SAMD12: variants seen among roughly 807,000 people sequenced by gnomAD.
The protein encoded by SAMD12 is sterile alpha motif domain-containing protein 12.
SAMD12 carries 9 observed loss-of-function variants against 15.0 expected under a neutral mutation model. That is an observed-to-expected ratio of 0.60 (90% CI 0.36 to 1.05). SAMD12 has a LOEUF of 1.05. Among genes scored for constraint, SAMD12 ranks in the 50% least tolerant of loss-of-function variants. The pLI, the probability that SAMD12 is intolerant of heterozygous loss-of-function variation, is 0.01. For missense variants in SAMD12, 230 were observed against 234.2 expected, an observed-to-expected ratio of 0.98 and a Z score of 0.12; for synonymous variants, 86 against 90.1, an observed-to-expected ratio of 0.96 and a Z score of 0.25.
chr8:118,564,659 G>C (rs1279767620), intron 2 of SAMD12, among the ~76,000 whole-genome samples: 1 of 152,214 alleles, frequency 6.6e-6, no homozygotes, highest in Non-Finnish European at 1.5e-5. Context: ...TCCTGCCTAT[G>C]AAGTGCTTAC....
intron 2 of SAMD12, among the ~76,000 whole-genome samples, chr8:118,457,425 C>A (rs1215693868): frequency 4.0e-5 from 6 of 151,380 alleles, no homozygotes; most frequent in African/African-American, 1.5e-4. Flanking sequence ...GAGACAGGGT[C>A]TCACTATGTT....
chr8:118,545,237 T>C (rs527697289), intron 2 of SAMD12, among the ~76,000 whole-genome samples: 1 of 152,302 alleles, frequency 6.6e-6, no homozygotes, highest in African/African-American at 2.4e-5. Flanking sequence ...GAGGCCGAAG[T>C]AGGTGGATTA....
At chr8:118,159,710 TTTTTTTTTC>T in the SAMD12 span, among the ~76,000 whole-genome samples, 9 of 8,532 alleles carry the variant, frequency 1.1e-3, no homozygotes, top group African/African-American at 1.7e-3. Flanking sequence ...AAATTTTTTC[TTTTTTTTTC>T]TTTTTTTTTT....
chr8:118,316,031 C>A (rs946918850), intron 4 of SAMD12, among the ~76,000 whole-genome samples: 1 of 152,270 alleles, frequency 6.6e-6, no homozygotes, highest in South Asian at 2.1e-4. Context: ...CAAACATTGT[C>A]AGCTTATTTT....
intron 4 of SAMD12, among the ~76,000 whole-genome samples, chr8:118,273,040 C>T (rs2130119836): frequency 6.6e-6 from 1 of 152,256 alleles, no homozygotes; most frequent in African/African-American, 2.4e-5. Context: ...ACAACCTCTA[C>T]CATACTAATT....
chr8:118,501,389 C>T (rs895920778), intron 2 of SAMD12, among the ~76,000 whole-genome samples: 1 of 152,080 alleles, frequency 6.6e-6, no homozygotes, highest in East Asian at 1.9e-4. Flanking sequence ...TTAGCCATTC[C>T]ACAATGTGTA....
intron 2 of SAMD12, among the ~76,000 whole-genome samples, chr8:118,566,929 A>G (rs545780570): frequency 6.6e-6 from 1 of 152,330 alleles, no homozygotes; most frequent in Non-Finnish European, 1.5e-5. Flanking sequence ...GGTGGATTCA[A>G]TGTGGTTACA....
intron 3 of SAMD12, among the ~76,000 whole-genome samples, chr8:118,389,149 T>A (rs978832374): frequency 5.3e-5 from 8 of 152,194 alleles, no homozygotes; most frequent in Non-Finnish European, 7.3e-5. Flanking sequence ...ATGGTGTAAG[T>A]GGGTAAGAAT....
intron 2 of SAMD12, among the ~76,000 whole-genome samples, chr8:118,529,075 C>T (rs1192343842): frequency 2.0e-5 from 3 of 152,178 alleles, no homozygotes; most frequent in Non-Finnish European, 4.4e-5. Flanking sequence ...GAAGTTGTGG[C>T]CACAGACAAC....
chr8:118,245,314 C>A (rs1444007643), intron 4 of SAMD12, among the ~76,000 whole-genome samples: 3 of 152,096 alleles, frequency 2.0e-5, no homozygotes, highest in Middle Eastern at 3.2e-3. Context: ...CAACAGTGAA[C>A]TTATTCAACA....
At chr8:118,191,850 A>AGT (rs1281551439) in exon 5 of SAMD12, 17 of 122,572 alleles carry the variant, frequency 1.4e-4, no homozygotes, top group Non-Finnish European at 2.4e-4. Context: ...AGAGAGAGAG[A>AGT]GTGAGAAAAG....
At chr8:118,367,066 T>C (rs1486731579) in intron 4 of SAMD12, among the ~76,000 whole-genome samples, 1 of 151,946 alleles carries the variant, frequency 6.6e-6, no homozygotes, top group Non-Finnish European at 1.5e-5. Context: ...TCTATGCACA[T>C]GGTACCTTCT....
At chr8:118,409,060 G>A (rs886367496) in intron 3 of SAMD12, among the ~76,000 whole-genome samples, 6 of 151,854 alleles carry the variant, frequency 4.0e-5, no homozygotes, top group East Asian at 1.9e-4. Flanking sequence ...CACCATGCCC[G>A]GCTAAGAAAA....
chr8:118,255,353 T>A lies in SAMD12; in HGVS notation c.434-57621A>T, dbSNP rs1812911327. On this transcript the variant is annotated intron_variant, in intron 4 of 4. Coordinates refer to the SAMD12 transcript ENST00000409003. ...TGCTATTAACATTTCTTTATTTTAT[T>A]TTATTTTATTATTATTATACTTTAA... Among the ~76,000 whole-genome samples, 3 of 152,144 alleles carry A rather than the reference T, an allele frequency of 2.0e-5. No homozygotes were observed. In the South Asian group the frequency reaches 6.2e-4, roughly 32 times the overall value.
chr8:118,225,707 T>C (rs1812174914), intron 4 of SAMD12, among the ~76,000 whole-genome samples: 1 of 152,170 alleles, frequency 6.6e-6, no homozygotes, highest in Admixed American at 6.6e-5. Flanking sequence ...TGGGATCAGA[T>C]GTGAAAAGGT....
chr8:118,538,923 T>C (rs1464945296), intron 2 of SAMD12, among the ~76,000 whole-genome samples: 1 of 152,200 alleles, frequency 6.6e-6, no homozygotes, highest in East Asian at 1.9e-4. Context: ...TATCATTATC[T>C]CCATGTTGCA....
intron 4 of SAMD12, among the ~76,000 whole-genome samples, chr8:118,302,297 C>G (rs1255084187): frequency 6.6e-6 from 1 of 151,876 alleles, no homozygotes; most frequent in African/African-American, 2.4e-5. Context: ...GAATTTGTAG[C>G]CACATTCATT....
chr8:118,288,087 T>C (rs1226618380), intron 4 of SAMD12, among the ~76,000 whole-genome samples: 1 of 152,200 alleles, frequency 6.6e-6, no homozygotes, highest in Non-Finnish European at 1.5e-5. Flanking sequence ...TAAATTTTTA[T>C]ATCATAAAAA....
At chr8:118,345,475 A>C (rs984162663) in intron 4 of SAMD12, among the ~76,000 whole-genome samples, 2 of 152,238 alleles carry the variant, frequency 1.3e-5, no homozygotes, top group African/African-American at 4.8e-5. Flanking sequence ...TGGAAAGGTT[A>C]GTAGTGGTAC....
Sources: gnomAD v4.1 joint callset for allele counts (sites outside exome capture counted in the v4.1 genomes callset) on GRCh38, gnomAD v4.1.1 for gene constraint, MANE v1.5 for transcripts, NCBI Gene and HGNC (gene_info 2026-07-23, HGNC 2026-07-21) for gene names.